The following PPP1R7 variants were observed in gnomAD, a reference collection of about 807,000 sequenced individuals.
PPP1R7 encodes the protein protein phosphatase 1 regulatory subunit 7.
A neutral mutation model predicts 45.2 loss-of-function variants in PPP1R7; 18 were observed. The observed-to-expected ratio is 0.40, with a 90% CI of 0.28 to 0.59. The LOEUF is 0.59. Among genes scored for constraint, PPP1R7 ranks in the 20% least tolerant of loss-of-function variants. The probability of loss-of-function intolerance (pLI) is 0.46; values close to 1 mark genes in which losing one functional copy is unlikely to be tolerated. For missense variants in PPP1R7, 314 were observed against 455.8 expected (o/e 0.69, Z 2.83); for synonymous variants, 181 against 183.4 (o/e 0.99, Z 0.11).
intron 6 of PPP1R7, among the ~76,000 whole-genome samples, chr2:241,160,839 G>A (rs1438561272): frequency 2.0e-5 from 3 of 152,322 alleles, no homozygotes; most frequent in Non-Finnish European, 4.4e-5. Context: ...ATCTTCTCTG[G>A]CATGCTTCTT....
At chr2:241,157,972 C>A in intron 3 of PPP1R7, 110 bp downstream of exon 3, 2 of 1,124,346 alleles carry the variant, frequency 1.8e-6, no homozygotes, top group South Asian at 1.3e-5. Context: ...CTAAGCCTCC[C>A]TTGGTTGAGT....
intron 1 of PPP1R7, 47 bp downstream of exon 1, chr2:241,150,594 G>T (rs2067244374): frequency 6.4e-7 from 1 of 1,558,912 alleles, no homozygotes; most frequent in Non-Finnish European, 8.7e-7. Flanking sequence ...GCGGGCGGGG[G>T]GAGCTGCGGG....
intron 5 of PPP1R7, among the ~76,000 whole-genome samples, chr2:241,159,710 A>G (rs929903311): frequency 1.3e-5 from 2 of 151,998 alleles, no homozygotes; most frequent in Non-Finnish European, 2.9e-5. Flanking sequence ...TTTAATTACA[A>G]AAAAAAGTGA....
chr2:241,166,019 C>T (rs2067700153), intron 7 of PPP1R7, among the ~76,000 whole-genome samples: 1 of 151,868 alleles, frequency 6.6e-6, no homozygotes, highest in African/African-American at 2.4e-5. Flanking sequence ...TCTCCTGCCT[C>T]AGCCTCCCGA....
Position 241,182,919 on chromosome 2 carries a change from C to A in PPP1R7, c.*96C>A. 7.2e-7 allele frequency: 1 copy of A among 1,381,764 alleles called. No homozygotes were observed. Among genetic ancestry groups the A allele is most frequent in the Non-Finnish European group, 9.8e-7 (1 of 1,019,240 alleles). 85.6% of individuals were successfully genotyped at this position (1,381,764 alleles called of 1,614,324 possible). On this transcript the variant is annotated 3_prime_UTR_variant, in exon 10 of 10. Coordinates refer to ENST00000234038, the MANE Select transcript of PPP1R7 (RefSeq NM_002712.3). ...GTTGCTCCTGAGGTCGTCACTATATCAACAGTCACAAACCCAATGGCAATA... is the reference window on the plus strand; with the variant it reads ...GTTGCTCCTGAGGTCGTCACTATATAAACAGTCACAAACCCAATGGCAATA...
At position 241,150,521 on chromosome 2, in the gene PPP1R7, A is replaced by T; in HGVS notation, c.26A>T (p.Gln9Leu). 5 of 1,598,948 alleles carry T rather than the reference A, an allele frequency of 3.1e-6. No individual in the cohort carries two copies. Among genetic ancestry groups the T allele is most frequent in the African/African-American group, 1.4e-5 (1 of 73,044 alleles). The change falls in exon 1 of 10, where the codon CAG becomes CTG. Residue 9 changes from glutamine to leucine, a missense_variant. Around this residue, in one of 3 missense-constraint regions of PPP1R7, gnomAD observed 34 missense variants for 26.0 expected, o/e 1.31. Coordinates refer to ENST00000234038, the MANE Select transcript of PPP1R7 (RefSeq NM_002712.3). MAAERGAG[Q>L]QQSQEMMEVD... is the part of the protein sequence containing the mutation. ...ATGGCGGCGGAACGCGGCGCGGGGCAGCAACAGTCGCAGGAGATGATGGAG... is the reference window on the plus strand; with the variant it reads ...ATGGCGGCGGAACGCGGCGCGGGGCTGCAACAGTCGCAGGAGATGATGGAG...
At chr2:241,157,403 A>G (rs1351010667) in intron 2 of PPP1R7, among the ~76,000 whole-genome samples, 1 of 152,246 alleles carries the variant, frequency 6.6e-6, no homozygotes, top group African/African-American at 2.4e-5. Context: ...GAAAAGCTAC[A>G]TGGGAGGCAG....
At chr2:241,175,314 T>G (rs2067891776) in intron 9 of PPP1R7, among the ~76,000 whole-genome samples, 1 of 152,230 alleles carries the variant, frequency 6.6e-6, no homozygotes, top group Non-Finnish European at 1.5e-5. Flanking sequence ...ACTGGAACTC[T>G]GTACCCATTA....
At chr2:241,173,405 G>A (rs530261652) in intron 9 of PPP1R7, among the ~76,000 whole-genome samples, 8 of 151,866 alleles carry the variant, frequency 5.3e-5, no homozygotes, top group South Asian at 4.2e-4. Context: ...CACCACACAC[G>A]GCCCTGGTTT....
In PPP1R7 at chr2:241,159,360, A is replaced by C; in HGVS notation, c.434+17A>C. Reference sequence around the variant, plus strand: ...AGAGCTGGAGTGAGTCATGAGACCCACAGGAGAACAGCATGGTGGGAAGGC... The same window carrying C: ...AGAGCTGGAGTGAGTCATGAGACCCCCAGGAGAACAGCATGGTGGGAAGGC... On this transcript the variant is annotated intron_variant, in intron 5 of 9. Coordinates refer to ENST00000234038, the MANE Select transcript of PPP1R7 (RefSeq NM_002712.3). 2 of 1,610,440 alleles carry C rather than the reference A, an allele frequency of 1.2e-6. No homozygotes were observed. Among genetic ancestry groups the C allele is most frequent in the Non-Finnish European group, 1.7e-6 (2 of 1,177,878 alleles).
chr2:241,179,975 A>G (rs973375290), intron 9 of PPP1R7, among the ~76,000 whole-genome samples: 3 of 152,248 alleles, frequency 2.0e-5, no homozygotes, highest in African/African-American at 7.2e-5. Context: ...GAAAATTACA[A>G]CATCTGCAAT....
At position 241,174,859 on chromosome 2, in the gene PPP1R7, T is replaced by C. The variant is rs552603491; in HGVS notation, c.906+4992T>C. On this transcript the variant is annotated intron_variant, in intron 9 of 9. Coordinates refer to ENST00000234038, the MANE Select transcript of PPP1R7 (RefSeq NM_002712.3). ...CTGGCTAATTTTTTTTGTATTTTAG[T>C]AGAGACAGGGTTTCACTGTGTTAGC... Among the ~76,000 whole-genome samples, 3 of 152,098 alleles carry C rather than the reference T, an allele frequency of 2.0e-5. No individual in the cohort carries two copies. In the South Asian group the frequency reaches 6.2e-4, roughly 32 times the overall value.
At chr2:241,163,432 C>G (rs141065303) in intron 7 of PPP1R7, 31 bp downstream of exon 7, 1 of 1,496,420 alleles carries the variant, frequency 6.7e-7, no homozygotes, top group African/African-American at 1.4e-5. Context: ...CCCTTCCCTG[C>G]GAGCCCTGGC....
At chr2:241,164,893 C>A (rs909397075) in intron 7 of PPP1R7, among the ~76,000 whole-genome samples, 2 of 151,576 alleles carry the variant, frequency 1.3e-5, no homozygotes, top group African/African-American at 4.8e-5. Flanking sequence ...ACTGAAAATA[C>A]AAAAATTAGC....
rs761992914 is a variant in PPP1R7, at chr2:241,163,321, A to T, written c.634A>T (p.Ser212Cys). 1.9e-6 allele frequency: 3 copies of T among 1,613,786 alleles called. No individual in the cohort carries two copies. The highest frequency in any genetic ancestry group is 1.1e-5 in the South Asian group (1 of 91,064). ...TATCGACACCTTAACCAACCTGGAG[A>T]GTTTGTTTTTGGGGAAAAACAAAAT... Reference protein sequence around the residue: ...ENIDTLTNLESLFLGKNKITK... With the variant: ...ENIDTLTNLECLFLGKNKITK... Residue 212 changes from serine to cysteine, a missense_variant, in exon 7 of 10, where the codon AGT (serine) becomes TGT (cysteine). By Grantham distance (112) the Ser-to-Cys change is moderately radical. Around this residue, in one of 3 missense-constraint regions of PPP1R7, gnomAD observed 168 missense variants for 285.3 expected, o/e 0.59. Coordinates refer to ENST00000234038, the MANE Select transcript of PPP1R7 (RefSeq NM_002712.3).
At chr2:241,172,054 T>C (rs2067825497) in intron 9 of PPP1R7, among the ~76,000 whole-genome samples, 1 of 152,192 alleles carries the variant, frequency 6.6e-6, no homozygotes, top group Admixed American at 6.5e-5. Flanking sequence ...TTAATTACAT[T>C]TTGTGTAATG....
At chr2:241,169,275 T>A (rs1226900924) in intron 8 of PPP1R7, among the ~76,000 whole-genome samples, 1 of 152,198 alleles carries the variant, frequency 6.6e-6, no homozygotes, top group Non-Finnish European at 1.5e-5. Context: ...CCTCTCCCAC[T>A]GCTACTGTGC....
intron 9 of PPP1R7, among the ~76,000 whole-genome samples, chr2:241,174,944 G>C (rs1426407221): frequency 1.3e-5 from 2 of 152,044 alleles, no homozygotes; most frequent in Admixed American, 1.3e-4. Context: ...CCAGGTGCTG[G>C]GATTACAGGT....
At chr2:241,165,371 T>C (rs1282265498) in intron 7 of PPP1R7, among the ~76,000 whole-genome samples, 1 of 151,550 alleles carries the variant, frequency 6.6e-6, no homozygotes, top group Non-Finnish European at 1.5e-5. Context: ...TTCACCATGT[T>C]GGCCAGGCTG....
Sources: allele counts gnomAD v4.1 joint callset (sites outside exome capture counted in the v4.1 genomes callset), GRCh38; gene constraint gnomAD v4.1.1; regional missense constraint gnomAD v4.1.1; transcripts MANE v1.5; gene names NCBI Gene and HGNC (gene_info 2026-07-23, HGNC 2026-07-21).